The following DLGAP2 variants were observed in gnomAD, a reference collection of about 807,000 sequenced individuals.
DLGAP2 encodes the protein disks large-associated protein 2.
In DLGAP2, 26 loss-of-function variants were observed where a neutral mutation model predicts 100.3. That is an observed-to-expected ratio of 0.26 (90% CI 0.19 to 0.36). The LOEUF is 0.36. Among genes scored for constraint, DLGAP2 ranks in the 10% least tolerant of loss-of-function variants. The probability of loss-of-function intolerance (pLI) is 1.00; values close to 1 mark genes in which losing one functional copy is unlikely to be tolerated. For synonymous variants in DLGAP2, 886 were observed against 630.1 expected (o/e 1.41, Z -6.08); for missense variants, 1,858 against 1,453.2 (o/e 1.28, Z -4.53).
intron 1 of DLGAP2, among the ~76,000 whole-genome samples, chr8:883,704 T>G (rs967155061): frequency 5.3e-5 from 8 of 151,064 alleles, no homozygotes; most frequent in South Asian, 2.1e-4. Context: ...TAGGTGCGCG[T>G]GTGCCGCGGC....
chr8:1,455,922 G>C (rs1387405091), intron 3 of DLGAP2, among the ~76,000 whole-genome samples: 2 of 152,204 alleles, frequency 1.3e-5, no homozygotes, highest in African/African-American at 4.8e-5. Context: ...CAATCAACAT[G>C]ACTGAGAGGC....
At chr8:1,090,438 C>G (rs2129041389) in intron 2 of DLGAP2, among the ~76,000 whole-genome samples, 1 of 152,396 alleles carries the variant, frequency 6.6e-6, no homozygotes, top group East Asian at 1.9e-4. Flanking sequence ...AGGGCAGGCT[C>G]TTGGGCTCCT....
chr8:1,372,842 C>A (rs1290055438), intron 3 of DLGAP2, among the ~76,000 whole-genome samples: 2 of 152,234 alleles, frequency 1.3e-5, no homozygotes, highest in African/African-American at 4.8e-5. Context: ...AAATTCATTT[C>A]AATGCCAGAA....
intron 3 of DLGAP2, among the ~76,000 whole-genome samples, chr8:1,433,901 T>A (rs1300850500): frequency 6.6e-6 from 1 of 152,172 alleles, no homozygotes; most frequent in Non-Finnish European, 1.5e-5. Flanking sequence ...CCATGGTCCC[T>A]GGGGTCCTTA....
At chr8:1,429,789 C>T (rs1797357807) in intron 3 of DLGAP2, among the ~76,000 whole-genome samples, 2 of 151,116 alleles carry the variant, frequency 1.3e-5, no homozygotes, top group South Asian at 4.2e-4. Flanking sequence ...GCATGCTTCA[C>T]ACTGAGGCAG....
intron 3 of DLGAP2, among the ~76,000 whole-genome samples, chr8:1,426,033 A>G (rs28404152): frequency 0.85 from 129,865 of 152,244 alleles, 55,858 homozygotes; most frequent in East Asian, 1. Flanking sequence ...GGTCCTCAGC[A>G]TGAGAATGAG....
At chr8:1,508,755 G>A (rs980711296) in intron 4 of DLGAP2, among the ~76,000 whole-genome samples, 21 of 151,162 alleles carry the variant, frequency 1.4e-4, no homozygotes, top group Admixed American at 2.6e-4. Context: ...AGGCGCTGAC[G>A]GCGTTCCCTA....
intron 1 of DLGAP2, among the ~76,000 whole-genome samples, chr8:837,428 C>A: frequency 6.6e-6 from 1 of 152,182 alleles, no homozygotes; most frequent in East Asian, 1.9e-4. Flanking sequence ...AACTGAAGCA[C>A]GATGAGAATA....
chr8:1,543,716 C>G (rs927717208), intron 4 of DLGAP2, among the ~76,000 whole-genome samples: 2 of 152,136 alleles, frequency 1.3e-5, no homozygotes, highest in Admixed American at 6.5e-5. Flanking sequence ...TGCAAAAAAG[C>G]CATGTGAGGT....
At chr8:1,195,249 G>T (rs1321135023) in intron 2 of DLGAP2, among the ~76,000 whole-genome samples, 1 of 152,198 alleles carries the variant, frequency 6.6e-6, no homozygotes, top group African/African-American at 2.4e-5. Context: ...AGGCCTCCCA[G>T]TTCTGCCTCC....
intron 4 of DLGAP2, among the ~76,000 whole-genome samples, chr8:1,543,914 T>G (rs1801447515): frequency 6.6e-6 from 1 of 152,156 alleles, no homozygotes; most frequent in South Asian, 2.1e-4. Context: ...TTTCTTTTTT[T>G]TTTTAAGAGA....
intron 1 of DLGAP2, among the ~76,000 whole-genome samples, chr8:862,640 C>T (rs1197778071): frequency 1.3e-5 from 2 of 152,158 alleles, no homozygotes; most frequent in Non-Finnish European, 2.9e-5. Context: ...CTGGGAAAAC[C>T]TCTTGACTCC....
At chr8:1,617,425 G>A (rs895478482) in intron 6 of DLGAP2, among the ~76,000 whole-genome samples, 5 of 152,114 alleles carry the variant, frequency 3.3e-5, no homozygotes, top group African/African-American at 1.2e-4. Context: ...CATTCTGATG[G>A]GTGTGAGATA....
intron 4 of DLGAP2, among the ~76,000 whole-genome samples, 152 bp from the exon 5 acceptor site, chr8:1,548,474 A>C (rs563483621): frequency 2.7e-5 from 4 of 149,818 alleles, no homozygotes; most frequent in Non-Finnish European, 5.9e-5. Flanking sequence ...AAAAAAAAAA[A>C]AAAAAAAAAA....
intron 2 of DLGAP2, among the ~76,000 whole-genome samples, chr8:930,192 C>T (rs570022279): frequency 4.6e-5 from 7 of 152,270 alleles, no homozygotes; most frequent in African/African-American, 1.2e-4. Context: ...CCCAGGGCTA[C>T]GCAGCCCCTT....
chr8:1,259,883 A>G (rs1799310354), intron 3 of DLGAP2: 1 of 152,234 alleles, frequency 6.6e-6, no homozygotes, highest in African/African-American at 2.4e-5. Flanking sequence ...AAGTATGACA[A>G]GGTTTTAAAA....
At chr8:1,339,634 A>G (rs1033816956) in intron 3 of DLGAP2, among the ~76,000 whole-genome samples, 8 of 152,226 alleles carry the variant, frequency 5.3e-5, no homozygotes, top group African/African-American at 1.9e-4. Context: ...CACATGGGTT[A>G]TCTCATGTAA....
At chr8:1,108,739 A>G (rs552453414) in intron 2 of DLGAP2, among the ~76,000 whole-genome samples, 2 of 103,678 alleles carry the variant, frequency 1.9e-5, no homozygotes, top group Non-Finnish European at 1.8e-5. Flanking sequence ...GCACGTGCCT[A>G]TGAAGTGTGC....
intron 3 of DLGAP2, among the ~76,000 whole-genome samples, chr8:1,455,756 C>T (rs1798294782): frequency 6.6e-6 from 1 of 152,194 alleles, no homozygotes; most frequent in Non-Finnish European, 1.5e-5. Flanking sequence ...CTTCCTGACC[C>T]TCACCCCAGC....
Sources: gnomAD v4.1 joint callset for allele counts (sites outside exome capture counted in the v4.1 genomes callset) on GRCh38, gnomAD v4.1.1 for gene constraint, MANE v1.5 for transcripts, NCBI Gene and HGNC (gene_info 2026-07-23, HGNC 2026-07-21) for gene names.